The following PARD3B variants were observed in gnomAD, a reference collection of about 807,000 sequenced individuals.
PARD3B encodes par-3 family cell polarity regulator beta.
In PARD3B, 103 loss-of-function variants were observed where a neutral mutation model predicts 130.2. That is an observed-to-expected ratio of 0.79 (90% CI 0.67 to 0.93). The LOEUF is 0.93. PARD3B is among the 40% of genes least tolerant of loss of function. The pLI, the probability that PARD3B is intolerant of heterozygous loss-of-function variation, is 0.00. For missense variants in PARD3B, 1,609 were observed against 1,499.2 expected, an observed-to-expected ratio of 1.07 and a Z score of -1.21; for synonymous variants, 583 against 553.2, an observed-to-expected ratio of 1.05 and a Z score of -0.76.
At chr2:204,833,962 C>T (rs560056474) in intron 2 of PARD3B, among the ~76,000 whole-genome samples, 39 of 152,290 alleles carry the variant, frequency 2.6e-4, no homozygotes, top group African/African-American at 9.4e-4. Context: ...GCCACAATCG[C>T]AGAAGCCTGT....
intron 10 of PARD3B, among the ~76,000 whole-genome samples, chr2:205,151,961 G>A (rs188449789): frequency 6.6e-6 from 1 of 152,294 alleles, no homozygotes; most frequent in Non-Finnish European, 1.5e-5. Flanking sequence ...GCCCGGTAGT[G>A]ACAAAATCTC....
intron 2 of PARD3B, among the ~76,000 whole-genome samples, chr2:204,789,448 C>G (rs1323765632): frequency 1.3e-5 from 2 of 152,096 alleles, no homozygotes; most frequent in African/African-American, 4.8e-5. Context: ...ATTATGTCAA[C>G]CACAATGTAG....
chr2:205,441,132 A>C (rs1305485065), intron 20 of PARD3B, among the ~76,000 whole-genome samples: 1 of 152,190 alleles, frequency 6.6e-6, no homozygotes, highest in Non-Finnish European at 1.5e-5. Flanking sequence ...TTGAAAAGTA[A>C]GATGGGGGTT....
chr2:204,729,954 G>A (rs1181033199), intron 2 of PARD3B, among the ~76,000 whole-genome samples: 1 of 148,366 alleles, frequency 6.7e-6, no homozygotes, highest in African/African-American at 2.5e-5. Flanking sequence ...TTTATGTAAA[G>A]CATTATTCTT....
chr2:205,467,721 A>G (rs2048680308), intron 20 of PARD3B, among the ~76,000 whole-genome samples: 1 of 152,098 alleles, frequency 6.6e-6, no homozygotes, highest in African/African-American at 2.4e-5. Flanking sequence ...CCTTCAACAT[A>G]CTTCCAGTGG....
chr2:204,613,215 T>C (rs901892669), intron 1 of PARD3B, among the ~76,000 whole-genome samples: 1 of 152,222 alleles, frequency 6.6e-6, no homozygotes, highest in Non-Finnish European at 1.5e-5. Context: ...TACTCATGCT[T>C]TATTACAAAG....
At chr2:205,411,033 G>A (rs1002718916) in intron 19 of PARD3B, among the ~76,000 whole-genome samples, 1 of 151,944 alleles carries the variant, frequency 6.6e-6, no homozygotes, top group Non-Finnish European at 1.5e-5. Flanking sequence ...CTCAACTTTG[G>A]GTGATTCTGA....
chr2:205,313,445 C>G (rs892761365), intron 18 of PARD3B, among the ~76,000 whole-genome samples: 4 of 152,144 alleles, frequency 2.6e-5, no homozygotes, highest in Admixed American at 2.6e-4. Flanking sequence ...TGTACAGGAA[C>G]CTTGTTTTCA....
intron 22 of PARD3B, among the ~76,000 whole-genome samples, chr2:205,559,108 C>T (rs1453309760): frequency 6.6e-6 from 1 of 152,100 alleles, no homozygotes; most frequent in Admixed American, 6.5e-5. Context: ...AGGTGGAGGC[C>T]TAAGTATGGG....
At chr2:205,293,941 G>A (rs941691788) in intron 16 of PARD3B, 4 of 152,028 alleles carry the variant, frequency 2.6e-5, no homozygotes, top group African/African-American at 9.7e-5. Context: ...CTGTATCACA[G>A]GTAGGAAAAT....
intron 5 of PARD3B, among the ~76,000 whole-genome samples, chr2:205,112,349 A>T (rs371374983): frequency 6.6e-6 from 1 of 152,204 alleles, no homozygotes; most frequent in Non-Finnish European, 1.5e-5. Context: ...TATTTAATGT[A>T]TTTATTTTAG....
chr2:204,718,277 G>C (rs1574801178), intron 2 of PARD3B, among the ~76,000 whole-genome samples: 1 of 151,750 alleles, frequency 6.6e-6, no homozygotes, highest in South Asian at 2.1e-4. Flanking sequence ...GCATTAGTCT[G>C]TTCTCACATG....
chr2:205,206,587 G>A (rs1288467948), intron 15 of PARD3B, among the ~76,000 whole-genome samples: 1 of 150,964 alleles, frequency 6.6e-6, no homozygotes, highest in African/African-American at 2.5e-5. Context: ...TGGTGTATAT[G>A]TGCCACATTT....
intron 22 of PARD3B, among the ~76,000 whole-genome samples, chr2:205,614,076 G>A (rs1320324727): frequency 6.6e-6 from 1 of 152,206 alleles, no homozygotes; most frequent in Non-Finnish European, 1.5e-5. Flanking sequence ...GATGGTGGTG[G>A]TGGTGAATGT....
intron 4 of PARD3B, among the ~76,000 whole-genome samples, chr2:205,082,869 A>C (rs1326374398): frequency 6.6e-6 from 1 of 152,150 alleles, no homozygotes; most frequent in Non-Finnish European, 1.5e-5. Flanking sequence ...TCGAAGGCCT[A>C]AATTAGAAGC....
chr2:205,510,014 GT>G (rs1559161481), intron 21 of PARD3B, among the ~76,000 whole-genome samples: 2 of 152,198 alleles, frequency 1.3e-5, no homozygotes, highest in East Asian at 3.8e-4. Flanking sequence ...ACACACAGAT[GT>G]CCAGAGTTTT....
chr2:205,588,285 G>A (rs779514211), intron 22 of PARD3B, among the ~76,000 whole-genome samples: 2 of 152,062 alleles, frequency 1.3e-5, no homozygotes, highest in Non-Finnish European at 2.9e-5. Context: ...TAACATAAAT[G>A]CATAAAGCAA....
chr2:204,647,893 G>A (rs926790820), intron 1 of PARD3B, among the ~76,000 whole-genome samples: 3 of 151,198 alleles, frequency 2.0e-5, no homozygotes, highest in African/African-American at 7.3e-5. Context: ...TAACACAAAT[G>A]CTATGACATA....
At chr2:205,013,107 T>A (rs917602211) in intron 3 of PARD3B, among the ~76,000 whole-genome samples, 2 of 150,756 alleles carry the variant, frequency 1.3e-5, no homozygotes, top group African/African-American at 4.8e-5. Flanking sequence ...ATCTTTCCTC[T>A]CCCTTCTTGA....
Sources: allele counts gnomAD v4.1 joint callset (sites outside exome capture counted in the v4.1 genomes callset), GRCh38; gene constraint gnomAD v4.1.1; transcripts MANE v1.5; gene names NCBI Gene and HGNC (gene_info 2026-07-23, HGNC 2026-07-21).